The following FOXJ3 variants were observed in gnomAD, a reference collection of about 807,000 sequenced individuals.
FOXJ3 encodes forkhead box protein J3.
Under a neutral mutation model 76.1 loss-of-function variants are expected in FOXJ3, and 22 were observed. The ratio of observed to expected loss-of-function variants is 0.29; its 90% confidence interval spans 0.21 to 0.41. The LOEUF is 0.41. Among genes scored for constraint, FOXJ3 ranks in the 10% least tolerant of loss-of-function variants. The pLI is 1.00. For synonymous variants in FOXJ3, 269 were observed against 261.2 expected, an observed-to-expected ratio of 1.03 and a Z score of -0.29; for missense variants, 613 against 762.1, an observed-to-expected ratio of 0.80 and a Z score of 2.30.
chr1:42,334,171 A>G, intron 1 of FOXJ3: 1 of 959,222 alleles, frequency 1.0e-6, no homozygotes, highest in Non-Finnish European at 1.2e-6. Flanking sequence ...ATTCTCTATA[A>G]TTAAGCAACA....
chr1:42,207,872 A>G lies in FOXJ3; in HGVS notation c.529-2009T>C, dbSNP rs560258061. Among the ~76,000 whole-genome samples, 169 of 152,330 alleles carry G rather than the reference A, an allele frequency of 1.1e-3. 1 individual carries two copies. The highest frequency in any genetic ancestry group is 3.8e-3 in the African/African-American group (156 of 41,574). On this transcript the variant is annotated intron_variant, in intron 5 of 12. Coordinates refer to ENST00000361346, the MANE Select transcript of FOXJ3 (RefSeq NM_014947.5). The stretch of plus-strand genomic sequence containing the variant: ...AAGGTGAAATAGAAGAGCTATAAAA[A>G]TAACTCTTATTTATGCCTCAGTTTT...
chr1:42,306,291 C>CTTTTTTTTT (rs1557713406), intron 2 of FOXJ3, among the ~76,000 whole-genome samples: 3 of 125,354 alleles, frequency 2.4e-5, no homozygotes, highest in Non-Finnish European at 3.2e-5. Context: ...ACTCTCTGAA[C>CTTTTTTTTT]TTTTTTCTTT....
chr1:42,319,868 A>G (rs1166565810), intron 1 of FOXJ3, among the ~76,000 whole-genome samples: 3 of 152,194 alleles, frequency 2.0e-5, no homozygotes, highest in African/African-American at 7.2e-5. Flanking sequence ...TTACTTACAA[A>G]TCTATAACTC....
intron 1 of FOXJ3, among the ~76,000 whole-genome samples, chr1:42,317,924 T>C (rs1002355709): frequency 6.6e-5 from 10 of 152,204 alleles, no homozygotes; most frequent in Admixed American, 5.9e-4. Context: ...CCATCTGATA[T>C]GATTTTTATT....
At chr1:42,329,712 A>C (rs1284688289) in intron 1 of FOXJ3, among the ~76,000 whole-genome samples, 3 of 152,226 alleles carry the variant, frequency 2.0e-5, no homozygotes, top group Non-Finnish European at 4.4e-5. Flanking sequence ...AGGGACAAAC[A>C]AAAAAATGTC....
intron 3 of FOXJ3, among the ~76,000 whole-genome samples, chr1:42,272,780 TA>T (rs1476575789): frequency 6.6e-6 from 1 of 152,218 alleles, no homozygotes; most frequent in Non-Finnish European, 1.5e-5. Context: ...AGGAAAACAA[TA>T]CTCGAACTTT....
chr1:42,308,195 T>C (rs887679446), intron 2 of FOXJ3, among the ~76,000 whole-genome samples: 1 of 152,200 alleles, frequency 6.6e-6, no homozygotes, highest in African/African-American at 2.4e-5. Flanking sequence ...GTCTTGAGGT[T>C]AGCCACTTTC....
intron 5 of FOXJ3, among the ~76,000 whole-genome samples, chr1:42,212,363 A>G (rs1646981392): frequency 6.6e-6 from 1 of 152,244 alleles, no homozygotes; most frequent in African/African-American, 2.4e-5. Context: ...AAATTTTCTA[A>G]AGAGACAAGT....
At chr1:42,226,732 A>G (rs754903737) in intron 5 of FOXJ3, among the ~76,000 whole-genome samples, 18 of 152,220 alleles carry the variant, frequency 1.2e-4, no homozygotes, top group Non-Finnish European at 2.1e-4. Context: ...TTCATTTTAT[A>G]TATCTTGATA....
intron 3 of FOXJ3, among the ~76,000 whole-genome samples, chr1:42,274,831 G>A (rs1356593418): frequency 2.7e-5 from 4 of 150,004 alleles, no homozygotes; most frequent in Non-Finnish European, 5.9e-5. Flanking sequence ...AGGGAGATGA[G>A]AAATAATACA....
intron 5 of FOXJ3, among the ~76,000 whole-genome samples, chr1:42,213,466 A>T (rs1647006129): frequency 6.6e-6 from 1 of 151,778 alleles, no homozygotes; most frequent in Admixed American, 6.6e-5. Context: ...TAAAACAACA[A>T]CAGTTAAAAA....
chr1:42,265,607 T>C (rs1446394655), intron 3 of FOXJ3, among the ~76,000 whole-genome samples: 1 of 152,180 alleles, frequency 6.6e-6, no homozygotes, highest in Non-Finnish European at 1.5e-5. Flanking sequence ...GAAGTTACTC[T>C]ACATGAAATT....
chr1:42,287,896 G>T (rs1261071176), intron 2 of FOXJ3, among the ~76,000 whole-genome samples: 1 of 152,138 alleles, frequency 6.6e-6, no homozygotes, highest in African/African-American at 2.4e-5. Context: ...GCCCAGGGAA[G>T]TCGAGACTGC....
intron 1 of FOXJ3, among the ~76,000 whole-genome samples, chr1:42,324,212 T>C (rs1170579738): frequency 7.2e-6 from 1 of 139,214 alleles, no homozygotes; most frequent in East Asian, 2.1e-4. Flanking sequence ...ATATATACTA[T>C]ATATATAAAT....
At chr1:42,205,937 C>A in intron 5 of FOXJ3, 74 bp from the exon 6 acceptor site, 1 of 805,216 alleles carries the variant, frequency 1.2e-6, no homozygotes, top group South Asian at 1.7e-5. Context: ...GAAGGGATCT[C>A]ATCAAATTCT....
intron 6 of FOXJ3, among the ~76,000 whole-genome samples, chr1:42,203,301 G>A (rs1375163330): frequency 6.6e-6 from 1 of 152,152 alleles, no homozygotes; most frequent in Non-Finnish European, 1.5e-5. Context: ...TGCATGTTTA[G>A]TTATTCGAAC....
chr1:42,292,963 T>C (rs530456751), intron 2 of FOXJ3, among the ~76,000 whole-genome samples: 44 of 152,142 alleles, frequency 2.9e-4, no homozygotes, highest in Middle Eastern at 3.4e-3. Flanking sequence ...TAGCCAGGTG[T>C]GGTGGTGGGC....
chr1:42,327,522 A>G (rs570157131), intron 1 of FOXJ3, among the ~76,000 whole-genome samples: 26 of 152,294 alleles, frequency 1.7e-4, no homozygotes, highest in African/African-American at 6.3e-4. Flanking sequence ...ATGATAACCT[A>G]CTTCCATCAT....
chr1:42,208,236 A>G (rs553894934), intron 5 of FOXJ3, among the ~76,000 whole-genome samples: 12 of 152,348 alleles, frequency 7.9e-5, no homozygotes, highest in African/African-American at 2.9e-4. Flanking sequence ...ACTAGAATAT[A>G]TCTGCTACTG....
Sources: gnomAD v4.1 joint callset for allele counts (sites outside exome capture counted in the v4.1 genomes callset) on GRCh38, gnomAD v4.1.1 for gene constraint, MANE v1.5 for transcripts, NCBI Gene and HGNC (gene_info 2026-07-23, HGNC 2026-07-21) for gene names.